Variants in DAB1 observed in about 807,000 individuals in gnomAD.
The protein encoded by DAB1 is DAB adaptor protein 1.
DAB1 carries 15 observed loss-of-function variants against 64.6 expected under a neutral mutation model. That is an observed-to-expected ratio of 0.23 (90% CI 0.16 to 0.36). DAB1 has a LOEUF of 0.36. Among genes scored for constraint, DAB1 ranks in the 10% least tolerant of loss-of-function variants. The pLI, the probability that DAB1 is intolerant of heterozygous loss-of-function variation, is 1.00. For synonymous variants in DAB1, 235 were observed against 251.9 expected (o/e 0.93, Z 0.64); for missense variants, 596 against 706.7 (o/e 0.84, Z 1.78).
intron 5 of DAB1, 125 bp downstream of exon 5, chr1:57,072,158 T>C (rs1199508867): frequency 1.9e-6 from 2 of 1,059,106 alleles, no homozygotes; most frequent in African/African-American, 1.6e-5. Context: ...AATGTGAGCA[T>C]CAACTTCAGT....
intron 4 of DAB1, among the ~76,000 whole-genome samples, chr1:57,131,415 T>C (rs901940713): frequency 3.3e-5 from 5 of 152,152 alleles, no homozygotes; most frequent in African/African-American, 9.7e-5. Flanking sequence ...CTAGCCCTTA[T>C]CCCCAGTCTT....
chr1:57,317,567 C>A (rs1675321746), intron 1 of DAB1, among the ~76,000 whole-genome samples: 1 of 152,120 alleles, frequency 6.6e-6, no homozygotes, highest in African/African-American at 2.4e-5. Context: ...ACTCCTATAC[C>A]ACCTTATGCT....
chr1:57,829,653 T>C lies in DAB1; in HGVS notation n.88-3198A>G, dbSNP rs142701740. Among the ~76,000 whole-genome samples, 399 of 152,290 alleles carry C rather than the reference T, an allele frequency of 2.6e-3. 1 individual carries two copies. The highest frequency in any genetic ancestry group is 0.02 in the Middle Eastern group (6 of 294). On this transcript the variant is annotated intron_variant and non_coding_transcript_variant, in intron 1 of 1. Coordinates refer to the DAB1 transcript ENST00000477280. ...GCCAGGGACACAATATGGTAGACAG[T>C]CTCTGGGTCTGGGTAACTCACAGTC...
intron 12 of DAB1, among the ~76,000 whole-genome samples, chr1:57,013,411 T>C (rs190932482): frequency 6.6e-6 from 1 of 152,348 alleles, no homozygotes; most frequent in East Asian, 1.9e-4. Flanking sequence ...TGCTTATTTA[T>C]GCATGGCTGT....
At chr1:57,496,679 T>C (rs1644234572) in intron 7 of DAB1, among the ~76,000 whole-genome samples, 2 of 152,116 alleles carry the variant, frequency 1.3e-5, no homozygotes, top group South Asian at 4.1e-4. Flanking sequence ...ATCACATTCA[T>C]AACAAATAAA....
At chr1:57,769,795 C>A (rs1192784777) in intron 6 of DAB1, among the ~76,000 whole-genome samples, 2 of 152,122 alleles carry the variant, frequency 1.3e-5, no homozygotes, top group African/African-American at 4.8e-5. Flanking sequence ...TTAGAACGGC[C>A]TTTTGCTTCC....
At chr1:57,084,778 G>T (rs140157646) in intron 4 of DAB1, among the ~76,000 whole-genome samples, 77 of 152,284 alleles carry the variant, frequency 5.1e-4, no homozygotes, top group African/African-American at 1.8e-3. Context: ...GAAACACAGA[G>T]TGTAGTGCAG....
chr1:58,076,287 T>C (rs1399388067), intron 5 of DAB1, among the ~76,000 whole-genome samples: 1 of 152,200 alleles, frequency 6.6e-6, no homozygotes, highest in Non-Finnish European at 1.5e-5. Flanking sequence ...TAGAGATTAA[T>C]TAATTTGCCC....
intron 4 of DAB1, among the ~76,000 whole-genome samples, chr1:57,078,780 A>G (rs1652217256): frequency 1.3e-5 from 2 of 152,196 alleles, no homozygotes; most frequent in Non-Finnish European, 2.9e-5. Context: ...GCTTGGCAGT[A>G]TGTTTCAGAG....
intron 5 of DAB1, among the ~76,000 whole-genome samples, chr1:58,103,778 C>T (rs746548662): frequency 2.0e-5 from 3 of 152,168 alleles, no homozygotes; most frequent in Non-Finnish European, 2.9e-5. Flanking sequence ...CTGCCTCATG[C>T]TCCCAAACTT....
At chr1:58,132,589 T>A (rs1653688407) in intron 5 of DAB1, among the ~76,000 whole-genome samples, 1 of 152,148 alleles carries the variant, frequency 6.6e-6, no homozygotes, top group Non-Finnish European at 1.5e-5. Flanking sequence ...AGATGAAACA[T>A]CTCGATCTAT....
At chr1:57,851,166 G>A (rs1325506035) in intron 1 of DAB1, among the ~76,000 whole-genome samples, 2 of 152,196 alleles carry the variant, frequency 1.3e-5, no homozygotes, top group Admixed American at 6.5e-5. Flanking sequence ...GGGTCAAATC[G>A]AGGGTCTGAC....
chr1:57,945,062 G>A (rs1279157369), intron 5 of DAB1, among the ~76,000 whole-genome samples: 2 of 152,180 alleles, frequency 1.3e-5, no homozygotes, highest in Non-Finnish European at 2.9e-5. Flanking sequence ...TCTTGAATGT[G>A]TTGGTCCCTC....
At chr1:58,359,748 A>G (rs1644146532) in intron 3 of DAB1, among the ~76,000 whole-genome samples, 1 of 133,900 alleles carries the variant, frequency 7.5e-6, no homozygotes, top group Non-Finnish European at 1.6e-5. Flanking sequence ...TTATTCAGTT[A>G]GTATTTCCTA....
chr1:57,642,973 T>C (rs7544337), intron 7 of DAB1, among the ~76,000 whole-genome samples: 72,175 of 152,144 alleles, frequency 0.47, 18,311 homozygotes, highest in East Asian at 0.69. Flanking sequence ...ACTTGTTTGA[T>C]GCTTGTAAGA....
At chr1:57,053,173 C>T (rs1167115077) in intron 9 of DAB1, among the ~76,000 whole-genome samples, 2 of 152,086 alleles carry the variant, frequency 1.3e-5, no homozygotes, top group Non-Finnish European at 2.9e-5. Context: ...AAGATCATAC[C>T]CAAAGTGAGG....
intron 1 of DAB1, chr1:57,880,505 T>A (rs1644127984): frequency 6.6e-6 from 1 of 152,184 alleles, no homozygotes; most frequent in Admixed American, 6.5e-5. Flanking sequence ...AAGAGTCACC[T>A]CCTCAGTGAA....
intron 7 of DAB1, among the ~76,000 whole-genome samples, chr1:57,441,282 CTTTCTTTCTT>C (rs775604744): frequency 0.19 from 6,909 of 36,516 alleles, 240 homozygotes; most frequent in African/African-American, 0.25. Context: ...CTCTTTCTTT[CTTTCTTTCTT>C]TCTTTCTTTC....
intron 3 of DAB1, among the ~76,000 whole-genome samples, chr1:58,460,102 A>G (rs1645228762): frequency 6.6e-6 from 1 of 152,242 alleles, no homozygotes; most frequent in African/African-American, 2.4e-5. Flanking sequence ...CACCATAAAC[A>G]TGAACTGGGC....
Sources: allele counts gnomAD v4.1 joint callset (sites outside exome capture counted in the v4.1 genomes callset), GRCh38; gene constraint gnomAD v4.1.1; transcripts MANE v1.5; gene names NCBI Gene and HGNC (gene_info 2026-07-23, HGNC 2026-07-21).